Variants in ATG5 observed in about 807,000 individuals in gnomAD.
ATG5 encodes the protein autophagy related 5, also known as autophagy protein 5.
A neutral mutation model predicts 36.5 loss-of-function variants in ATG5; 14 were observed. That is an observed-to-expected ratio of 0.38 (90% CI 0.25 to 0.60). The LOEUF is 0.60. Among genes scored for constraint, ATG5 ranks in the 20% least tolerant of loss-of-function variants. The pLI is 0.60. For synonymous variants in ATG5, 95 were observed against 101.5 expected (o/e 0.94, Z 0.38); for missense variants, 195 against 326.7 (o/e 0.60, Z 3.11).
chr6:106,298,443 T>C (rs1210976974), intron 3 of ATG5, among the ~76,000 whole-genome samples: 1 of 152,014 alleles, frequency 6.6e-6, no homozygotes, highest in Non-Finnish European at 1.5e-5. Flanking sequence ...CCCAGCTACT[T>C]GGGAGGCTGA....
At chr6:106,257,977 C>T (rs1353235854) in intron 5 of ATG5, among the ~76,000 whole-genome samples, 1 of 152,088 alleles carries the variant, frequency 6.6e-6, no homozygotes, top group African/African-American at 2.4e-5. Flanking sequence ...AATTAAAAAG[C>T]AAAAACCAAA....
chr6:106,277,772 C>T (rs1428088818), intron 5 of ATG5, among the ~76,000 whole-genome samples: 1 of 152,182 alleles, frequency 6.6e-6, no homozygotes, highest in Non-Finnish European at 1.5e-5. Context: ...TGAGATTGTG[C>T]CACTGCATTC....
In ATG5 at chr6:106,303,343, TA is replaced by T. The variant is rs533016589; in HGVS notation, c.236+5020del. ...AAACAAACCAACTCCCCAAAACCCA[TA>T]AACTACCAACACTCAATGAAGAGGA... On this transcript the variant is annotated intron_variant, in intron 3 of 7. Coordinates refer to ENST00000369076, the MANE Select transcript of ATG5 (RefSeq NM_004849.4). Among the ~76,000 whole-genome samples the T allele has an allele frequency of 6.6e-3, 1,007 of 152,060 alleles. 4 individuals are homozygous for T. Among genetic ancestry groups the T allele is most frequent in the Middle Eastern group, 0.02 (6 of 294 alleles).
chr6:106,278,381 C>A (rs1302217218), intron 5 of ATG5, among the ~76,000 whole-genome samples: 1 of 152,172 alleles, frequency 6.6e-6, no homozygotes, highest in Non-Finnish European at 1.5e-5. Context: ...TAATCAACTT[C>A]TAATATTTTA....
At chr6:106,197,946 G>A (rs1442898120) in intron 7 of ATG5, among the ~76,000 whole-genome samples, 1 of 152,184 alleles carries the variant, frequency 6.6e-6, no homozygotes, top group African/African-American at 2.4e-5. Context: ...CTGAAAGCCA[G>A]TGCTGCCACG....
intron 6 of ATG5, among the ~76,000 whole-genome samples, chr6:106,236,860 T>A (rs1777923790): frequency 6.6e-6 from 1 of 152,196 alleles, no homozygotes; most frequent in South Asian, 2.1e-4. Context: ...CTAATGAGTA[T>A]CACTAGCACA....
At chr6:106,186,716 A>C in intron 7 of ATG5, 40 bp from the exon 8 acceptor site, 1 of 1,601,498 alleles carries the variant, frequency 6.2e-7, no homozygotes, top group Non-Finnish European at 8.5e-7. Flanking sequence ...AAAAGTCAAA[A>C]CAGTTGAAGA....
chr6:106,293,722 A>G (rs1780418669), intron 3 of ATG5, among the ~76,000 whole-genome samples: 1 of 152,218 alleles, frequency 6.6e-6, no homozygotes, highest in African/African-American at 2.4e-5. Flanking sequence ...TCTAAATTTA[A>G]AAAAATAAGT....
At chr6:106,262,015 G>T (rs542558729) in intron 5 of ATG5, among the ~76,000 whole-genome samples, 4 of 152,204 alleles carry the variant, frequency 2.6e-5, no homozygotes, top group African/African-American at 4.8e-5. Context: ...CCAAACTTTA[G>T]TGAGTCAAAA....
intron 7 of ATG5, among the ~76,000 whole-genome samples, chr6:106,190,839 T>TA (rs1354742483): frequency 6.6e-6 from 1 of 152,078 alleles, no homozygotes; most frequent in Non-Finnish European, 1.5e-5. Flanking sequence ...ATGTATATAT[T>TA]AAAAAATGAT....
intron 5 of ATG5, among the ~76,000 whole-genome samples, chr6:106,255,777 T>C (rs1778776802): frequency 6.6e-6 from 1 of 152,324 alleles, no homozygotes; most frequent in African/African-American, 2.4e-5. Flanking sequence ...TATACTCCCA[T>C]TTTCCCTTCA....
chr6:106,257,624 T>C (rs550372351), intron 5 of ATG5, among the ~76,000 whole-genome samples: 1 of 152,230 alleles, frequency 6.6e-6, no homozygotes, highest in African/African-American at 2.4e-5. Flanking sequence ...GGTAGTTCTG[T>C]GAACTCATTT....
chr6:106,280,445 C>T (rs902612811), intron 4 of ATG5, among the ~76,000 whole-genome samples: 2 of 152,030 alleles, frequency 1.3e-5, no homozygotes, highest in East Asian at 1.9e-4. Flanking sequence ...AACTTATTCA[C>T]TTTGACTAGG....
chr6:106,291,079 T>C (rs1398882052), intron 4 of ATG5, among the ~76,000 whole-genome samples: 1 of 152,156 alleles, frequency 6.6e-6, no homozygotes, highest in Non-Finnish European at 1.5e-5. Flanking sequence ...TCAAGTAAAA[T>C]AATGGTGTTT....
intron 5 of ATG5, among the ~76,000 whole-genome samples, chr6:106,263,214 T>C (rs73778113): frequency 0.024 from 3,711 of 152,296 alleles, 65 homozygotes; most frequent in African/African-American, 0.049. Context: ...CTGACAGTGC[T>C]AAGGAGTCTG....
chr6:106,207,543 A>G (rs9399978), intron 6 of ATG5, among the ~76,000 whole-genome samples: 23,640 of 151,948 alleles, frequency 0.16, 2,150 homozygotes, highest in Non-Finnish European at 0.2. Context: ...TCTTAAAAAA[A>G]AAAGAAAGAA....
At chr6:106,284,538 A>G (rs1177639659) in intron 4 of ATG5, among the ~76,000 whole-genome samples, 1 of 151,018 alleles carries the variant, frequency 6.6e-6, no homozygotes, top group Non-Finnish European at 1.5e-5. Context: ...TTATTTTAGT[A>G]GAGATGAGTT....
intron 1 of ATG5, among the ~76,000 whole-genome samples, chr6:106,322,972 T>C (rs976808344): frequency 2.6e-5 from 4 of 151,636 alleles, no homozygotes; most frequent in African/African-American, 7.3e-5. Flanking sequence ...CAGGCTGGAG[T>C]GCAGTGGCGC....
intron 6 of ATG5, among the ~76,000 whole-genome samples, chr6:106,237,788 T>C (rs536686313): frequency 8.9e-4 from 135 of 152,304 alleles, no homozygotes; most frequent in South Asian, 4.1e-4. Context: ...GCTTATATAG[T>C]TGGTTAGGAT....
Sources: gnomAD v4.1 joint callset for allele counts (sites outside exome capture counted in the v4.1 genomes callset) on GRCh38, gnomAD v4.1.1 for gene constraint, MANE v1.5 for transcripts, NCBI Gene and HGNC (gene_info 2026-07-23, HGNC 2026-07-21) for gene names.